ATP9B: variants seen among roughly 807,000 people sequenced by gnomAD.
ATP9B encodes ATPase phospholipid transporting 9B, also known as probable phospholipid-transporting ATPase IIB.
Under a neutral mutation model 146.1 loss-of-function variants are expected in ATP9B, and 110 were observed. The observed-to-expected ratio is 0.75, with a 90% CI of 0.65 to 0.88. The LOEUF is 0.88. ATP9B is among the 40% of genes least tolerant of loss of function. The pLI, the probability that ATP9B is intolerant of heterozygous loss-of-function variation, is 0.00. For synonymous variants in ATP9B, 604 were observed against 569.7 expected (o/e 1.06, Z -0.86); for missense variants, 1,499 against 1,496.4 (o/e 1.00, Z -0.03).
intron 1 of ATP9B, among the ~76,000 whole-genome samples, chr18:79,071,330 C>T (rs964195085): frequency 2.0e-5 from 3 of 149,342 alleles, no homozygotes; most frequent in Non-Finnish European, 3.0e-5. Context: ...GTTTATAAAA[C>T]TCATGATGAT....
At chr18:79,114,755 C>T (rs560721460) in intron 4 of ATP9B, among the ~76,000 whole-genome samples, 121 of 152,186 alleles carry the variant, frequency 8.0e-4, no homozygotes, top group Non-Finnish European at 1.5e-3. Flanking sequence ...AACACTGTGG[C>T]GCTCATCCCA....
chr18:79,097,804 C>T (rs1406133747), intron 2 of ATP9B, among the ~76,000 whole-genome samples: 1 of 145,564 alleles, frequency 6.9e-6, no homozygotes, highest in Non-Finnish European at 1.5e-5. Flanking sequence ...GGTTCCAAGT[C>T]TTTGCTATTG....
At chr18:79,137,124 A>G (rs1158383055) in intron 5 of ATP9B, among the ~76,000 whole-genome samples, 1 of 152,070 alleles carries the variant, frequency 6.6e-6, no homozygotes, top group Non-Finnish European at 1.5e-5. Context: ...TATCTCAAGC[A>G]TTGTTTTTGT....
chr18:79,263,719 T>C (rs1171091571), intron 12 of ATP9B, among the ~76,000 whole-genome samples: 1 of 152,214 alleles, frequency 6.6e-6, no homozygotes, highest in African/African-American at 2.4e-5. Context: ...TCCAGTTTTT[T>C]TACAGTGAGC....
chr18:79,321,355 T>G (rs934707279), intron 15 of ATP9B, among the ~76,000 whole-genome samples: 1 of 151,464 alleles, frequency 6.6e-6, no homozygotes, highest in African/African-American at 2.4e-5. Context: ...TCACTGAAAT[T>G]ATTTTTCTTG....
intron 4 of ATP9B, among the ~76,000 whole-genome samples, chr18:79,116,943 A>G (rs972436344): frequency 4.1e-5 from 5 of 120,704 alleles, no homozygotes; most frequent in African/African-American, 1.6e-4. Flanking sequence ...AAAAAATTAA[A>G]AAAAAAAAAA....
At chr18:79,264,989 G>T (rs1278935624) in intron 12 of ATP9B, among the ~76,000 whole-genome samples, 1 of 152,134 alleles carries the variant, frequency 6.6e-6, no homozygotes, top group African/African-American at 2.4e-5. Flanking sequence ...GGGGTTTGTT[G>T]TACAGATTAT....
chr18:79,372,962 A>C (rs996409641), intron 27 of ATP9B, 80 bp downstream of exon 27: 2 of 1,012,942 alleles, frequency 2.0e-6, no homozygotes, highest in African/African-American at 3.2e-5. Flanking sequence ...TTTTACTTGC[A>C]GATTAAATTC....
chr18:79,080,362 C>T (rs1175291010), intron 1 of ATP9B, among the ~76,000 whole-genome samples: 1 of 152,058 alleles, frequency 6.6e-6, no homozygotes. Flanking sequence ...CTTCACATCC[C>T]TTATAAGTTG....
chr18:79,197,845 GT>G (rs990130086), intron 9 of ATP9B, among the ~76,000 whole-genome samples: 2 of 152,166 alleles, frequency 1.3e-5, no homozygotes, highest in African/African-American at 4.8e-5. Flanking sequence ...GAAAAACATA[GT>G]ACCCCCGAAT....
rs183821054 is a variant in ATP9B at position 79,260,056 on chromosome 18, C to T, written c.1268+6515C>T. Among the ~76,000 whole-genome samples the T allele has an allele frequency of 3.3e-4, 50 of 152,190 alleles. No homozygotes were observed. The East Asian group carries it at 3.9e-3, about 12-fold the overall frequency. ...ATTCACCAAGGGTGTGTCCAGGTGG[C>T]GTTTTGCTCTTTGAAGAGATAGATT... On this transcript the variant is annotated intron_variant, in intron 12 of 29. Coordinates refer to ENST00000426216, the MANE Select transcript of ATP9B (RefSeq NM_198531.5).
chr18:79,289,279 C>T (rs1199708163), intron 13 of ATP9B, among the ~76,000 whole-genome samples: 1 of 152,220 alleles, frequency 6.6e-6, no homozygotes, highest in Non-Finnish European at 1.5e-5. Context: ...GGTCTTTTCA[C>T]ACAGTCTCAT....
intron 7 of ATP9B, among the ~76,000 whole-genome samples, chr18:79,171,870 G>A (rs570805441): frequency 2.4e-4 from 29 of 121,082 alleles, no homozygotes; most frequent in Admixed American, 4.5e-4. Context: ...CATGACCTTC[G>A]GAGACTCGTT....
At chr18:79,210,291 G>C (rs528709664) in intron 10 of ATP9B, among the ~76,000 whole-genome samples, 12 of 152,356 alleles carry the variant, frequency 7.9e-5, no homozygotes, top group African/African-American at 2.9e-4. Flanking sequence ...GGAAAGCTGG[G>C]CTCTCTAAGG....
chr18:79,096,433 G>C, intron 1 of ATP9B, 43 bp from the exon 2 acceptor site: 1 of 1,562,164 alleles, frequency 6.4e-7, no homozygotes, highest in South Asian at 1.1e-5. Flanking sequence ...CTGTAAAGAA[G>C]ACTGCTTGGC....
At chr18:79,179,025 G>C (rs2095217398) in intron 8 of ATP9B, among the ~76,000 whole-genome samples, 8 of 152,164 alleles carry the variant, frequency 5.3e-5, no homozygotes, top group Admixed American at 5.2e-4. Context: ...ATTGTGAATT[G>C]AATTTCTTTG....
intron 11 of ATP9B, among the ~76,000 whole-genome samples, chr18:79,249,888 G>A (rs905934650): frequency 2.0e-5 from 3 of 152,200 alleles, no homozygotes; most frequent in Non-Finnish European, 2.9e-5. Context: ...ACTATATGCT[G>A]TAGTTTGGTT....
Position 79,283,251 on chromosome 18 carries a change from G to C in ATP9B, c.1411+6055G>C, listed in dbSNP as rs141324540. 3.4e-3 allele frequency among the ~76,000 whole-genome samples: 512 copies of C among 152,312 alleles called. 3 individuals are homozygous for C. Among genetic ancestry groups the C allele is most frequent in the African/African-American group, 0.012 (488 of 41,566 alleles). On this transcript the variant is annotated intron_variant, in intron 13 of 29. Transcript: ENST00000426216. ...AGCAGAGGTTCTGTAACTGTGGATG[G>C]TTGTTTATTATAAAGCGTCCTGGTT...
intron 9 of ATP9B, among the ~76,000 whole-genome samples, chr18:79,196,295 C>G (rs1426311813): frequency 2.6e-5 from 4 of 152,176 alleles, no homozygotes; most frequent in Non-Finnish European, 5.9e-5. Flanking sequence ...AATAATCTTA[C>G]AGAGGATTAG....
Sources: gnomAD v4.1 joint callset for allele counts (sites outside exome capture counted in the v4.1 genomes callset) on GRCh38, gnomAD v4.1.1 for gene constraint, MANE v1.5 for transcripts, NCBI Gene and HGNC (gene_info 2026-07-23, HGNC 2026-07-21) for gene names.